Variants in PROCR observed in about 807,000 individuals in gnomAD.
PROCR encodes endothelial protein C receptor.
PROCR carries 22 observed loss-of-function variants against 24.2 expected under a neutral mutation model. That is an observed-to-expected ratio of 0.91 (90% CI 0.65 to 1.30). The LOEUF is 1.30. PROCR is among the 50% of genes most tolerant of loss of function. The pLI is 0.00. For missense variants in PROCR, 288 were observed against 307.7 expected (o/e 0.94, Z 0.48); for synonymous variants, 137 against 139.2 (o/e 0.98, Z 0.11).
chr20:35,197,183 C>T (rs1166119417), intron 1 of PROCR, among the ~76,000 whole-genome samples: 19 of 152,196 alleles, frequency 1.2e-4, no homozygotes, highest in Admixed American at 1.2e-3. Flanking sequence ...GTCTTGAACT[C>T]CTGGCCTCAA....
At chr20:35,177,419 C>T, downstream of PROCR, 1 of 853,758 alleles carries the variant, frequency 1.2e-6, no homozygotes, top group South Asian at 5.5e-5. Context: ...CCCATTTCTT[C>T]TGCTTCCTTA....
At chr20:35,192,393 A>G (rs761804121) in intron 1 of PROCR, among the ~76,000 whole-genome samples, 39 of 152,094 alleles carry the variant, frequency 2.6e-4, no homozygotes, top group Non-Finnish European at 1.5e-5. Context: ...TCAGAGCCAC[A>G]CTCTCTTACA....
chr20:35,191,923 CA>C (rs1172519132), intron 1 of PROCR, among the ~76,000 whole-genome samples: 1 of 152,046 alleles, frequency 6.6e-6, no homozygotes, highest in East Asian at 1.9e-4. Flanking sequence ...GTTTAAAAGG[CA>C]AAGAAATACT....
At position 35,177,086 on chromosome 20, in the gene PROCR, G is replaced by C; in HGVS notation, c.*273G>C. The C allele has an allele frequency of 1.6e-6, 2 of 1,238,972 alleles. No homozygotes were observed. Among genetic ancestry groups the C allele is most frequent in the Non-Finnish European group, 2.0e-6 (2 of 975,916 alleles). 76.7% of individuals were successfully genotyped at this position (1,238,972 alleles called of 1,614,324 possible). On this transcript the variant is annotated 3_prime_UTR_variant, in exon 4 of 4. Transcript: ENST00000216968. ...TGTTTATCTATCTTTGTGGAAAACA[G>C]ATAATGGAGTTGGGGCAGGAAGCCT...
At chr20:35,211,910 G>A (rs1249674255) in intron 1 of PROCR, among the ~76,000 whole-genome samples, 2 of 152,068 alleles carry the variant, frequency 1.3e-5, no homozygotes, top group Admixed American at 6.6e-5. Flanking sequence ...CAGCTACTTG[G>A]GAGACTGAGA....
At chr20:35,212,661 C>A (rs1009358482) in intron 1 of PROCR, among the ~76,000 whole-genome samples, 24 of 152,170 alleles carry the variant, frequency 1.6e-4, no homozygotes, top group African/African-American at 5.8e-4. Flanking sequence ...CTGGAAAGTA[C>A]TTAGGTTGAT....
chr20:35,195,967 G>A (rs1253585907), intron 1 of PROCR, among the ~76,000 whole-genome samples: 1 of 151,690 alleles, frequency 6.6e-6, no homozygotes, highest in Non-Finnish European at 1.5e-5. Context: ...GACTGCCTGA[G>A]CTCAGGAGTT....
chr20:35,201,809 GATATAA>G (rs1402119016), intron 1 of PROCR: 2 of 151,922 alleles, frequency 1.3e-5, no homozygotes, highest in Admixed American at 6.6e-5. Flanking sequence ...TAAATATAAA[GATATAA>G]ATATAGGGAA....
chr20:35,180,875 G>A (rs144611479), downstream of PROCR, among the ~76,000 whole-genome samples: 1,357 of 151,876 alleles, frequency 8.9e-3, 12 homozygotes, highest in Non-Finnish European at 0.013. Context: ...GTTTTGTTTT[G>A]TTTTGTTTTG....
chr20:35,185,884 T>G (rs1473317964), intron 1 of PROCR, among the ~76,000 whole-genome samples: 1 of 151,898 alleles, frequency 6.6e-6, no homozygotes, highest in African/African-American at 2.4e-5. Context: ...AAAATAAAAT[T>G]TTAAAAAGAA....
At chr20:35,197,255 G>A (rs1427664186) in intron 1 of PROCR, among the ~76,000 whole-genome samples, 1 of 152,134 alleles carries the variant, frequency 6.6e-6, no homozygotes, top group East Asian at 1.9e-4. Context: ...ATCGAACTTA[G>A]CCCAAACTTT....
chr20:35,209,578 C>G (rs190007652), intron 1 of PROCR, among the ~76,000 whole-genome samples: 1 of 152,240 alleles, frequency 6.6e-6, no homozygotes. Flanking sequence ...CCCTGAGAAA[C>G]TCCAGAATTT....
chr20:35,199,425 A>T (rs2060310733), intron 1 of PROCR, among the ~76,000 whole-genome samples: 1 of 152,190 alleles, frequency 6.6e-6, no homozygotes, highest in Admixed American at 6.5e-5. Flanking sequence ...CAGTCCATGG[A>T]TCAAGGAGTA....
chr20:35,205,785 A>ATATG (rs1466654159), intron 1 of PROCR, among the ~76,000 whole-genome samples: 1 of 134,220 alleles, frequency 7.5e-6, no homozygotes, highest in Non-Finnish European at 1.6e-5. Flanking sequence ...ATATATATAT[A>ATATG]TATGTATATA....
At chr20:35,173,719 C>T (rs1265554344) in intron 1 of PROCR, among the ~76,000 whole-genome samples, 1 of 152,022 alleles carries the variant, frequency 6.6e-6, no homozygotes, top group Non-Finnish European at 1.5e-5. Flanking sequence ...CATGAGCCAC[C>T]GCGCCCAGTC....
intron 1 of PROCR, among the ~76,000 whole-genome samples, chr20:35,200,811 C>A (rs569790462): frequency 6.6e-6 from 1 of 152,200 alleles, no homozygotes; most frequent in South Asian, 2.1e-4. Flanking sequence ...CCATGCCCGG[C>A]TAATTTTTGT....
Position 35,172,210 on chromosome 20 carries a change from A to C in PROCR, c.56A>C (p.Gln19Pro), listed in dbSNP as rs986635324. 3.7e-6 allele frequency: 6 copies of C among 1,614,096 alleles called. No individual in the cohort carries two copies. The highest frequency in any genetic ancestry group is 2.7e-5 in the African/African-American group (2 of 74,942). ...LLLSGWAFCS[Q>P]DASDGLQRLH... is the part of the protein sequence containing the mutation. Reference sequence around the variant, plus strand: ...CTGTCTGGCTGGGCCTTTTGTAGCCAAGACGCCTCAGATGGTGAGTCGGGG... The same window carrying C: ...CTGTCTGGCTGGGCCTTTTGTAGCCCAGACGCCTCAGATGGTGAGTCGGGG... Residue 19 changes from glutamine (Q) to proline (P), a missense_variant, in exon 1 of 4, where the codon CAA becomes CCA. Coordinates refer to ENST00000216968, the MANE Select transcript of PROCR (RefSeq NM_006404.5).
intron 1 of PROCR, among the ~76,000 whole-genome samples, chr20:35,200,141 C>T (rs2060313454): frequency 6.6e-6 from 1 of 152,148 alleles, no homozygotes; most frequent in African/African-American, 2.4e-5. Flanking sequence ...ATAGAATCTA[C>T]TCCTGTTGAA....
chr20:35,178,946 C>T (rs995960415), downstream of PROCR, among the ~76,000 whole-genome samples: 2 of 150,764 alleles, frequency 1.3e-5, no homozygotes, highest in African/African-American at 2.4e-5. Context: ...ATATGCCAAG[C>T]GCAAGCTGGG....
Sources: allele counts gnomAD v4.1 joint callset (sites outside exome capture counted in the v4.1 genomes callset), GRCh38; gene constraint gnomAD v4.1.1; transcripts MANE v1.5; gene names NCBI Gene and HGNC (gene_info 2026-07-23, HGNC 2026-07-21).